CNOT7: variants seen among roughly 807,000 people sequenced by gnomAD.
CNOT7 encodes the protein CCR4-NOT transcription complex subunit 7.
Under a neutral mutation model 37.1 loss-of-function variants are expected in CNOT7, and 4 were observed. The observed-to-expected ratio is 0.11, with a 90% CI of 0.05 to 0.25. CNOT7 has a LOEUF of 0.25. Ranked by LOEUF, CNOT7 falls within the 10% of genes least tolerant of loss-of-function variation. The pLI, the probability that CNOT7 is intolerant of heterozygous loss-of-function variation, is 1.00. For synonymous variants in CNOT7, 128 were observed against 115.6 expected (o/e 1.11, Z -0.69); for missense variants, 170 against 336.2 (o/e 0.51, Z 3.87).
At chr8:17,245,319 G>A (rs1341337374) in intron 1 of CNOT7, 72 bp from the exon 2 acceptor site, 2 of 641,660 alleles carry the variant, frequency 3.1e-6, no homozygotes, top group Non-Finnish European at 2.3e-6. Context: ...GATCCAGCAG[G>A]AACCTAAGAA....
Position 17,234,700 on chromosome 8 carries a change from C to G in CNOT7, c.618+16G>C, listed in dbSNP as rs527299604. The G allele has an allele frequency of 1.9e-6, 3 of 1,613,356 alleles. No individual in the cohort carries two copies. The Admixed American group carries it at 5.0e-5, about 27-fold the overall frequency. ...GAACAGTGTGCTGCTGTAGATAATG[C>G]CATCCGAAGCCTTACTTTGAGATTT... On this transcript the variant is annotated intron_variant, in intron 5 of 6. Coordinates refer to ENST00000361272, the MANE Select transcript of CNOT7 (RefSeq NM_013354.7).
chr8:17,230,080 A>C lies in CNOT7; in HGVS notation c.*640T>G, dbSNP rs961124242. 6.6e-6 allele frequency: 1 copy of C among 152,416 alleles called. No individual in the cohort carries two copies. 9.4% of individuals were successfully genotyped at this position (152,416 alleles called of 1,614,324 possible). A position where few individuals can be genotyped will look rare whatever the true frequency, so the allele number is the denominator to read the frequency against. On this transcript the variant is annotated 3_prime_UTR_variant, in exon 7 of 7. Coordinates refer to ENST00000361272, the MANE Select transcript of CNOT7 (RefSeq NM_013354.7). ...GACACTAGATGTGCTTGGAAGATTA[A>C]ACACTACGTACAGAAACAGCAGTTA... is the stretch of plus-strand genomic sequence containing the variant.
chr8:17,226,278 G>A lies in CNOT7; in HGVS notation c.*4442C>T, dbSNP rs1215946838. On this transcript the variant is annotated 3_prime_UTR_variant, in exon 7 of 7. Transcript: ENST00000361272. ...GGGAGGTAACATTTTGCTCAATTTG[G>A]GCTGAAAGTTGGTATCCCCTCATTG... 1 of 150,850 alleles carries A rather than the reference G, an allele frequency of 6.6e-6. No homozygotes were observed. The highest frequency in any genetic ancestry group is 2.1e-4 in the South Asian group (1 of 4,770). 9.3% of individuals were successfully genotyped at this position (150,850 alleles called of 1,614,324 possible). A position where few individuals can be genotyped will look rare whatever the true frequency, so the allele number is the denominator to read the frequency against.
rs1473663776 is a variant in CNOT7 at position 17,230,482 on chromosome 8, CGCTT to C, written c.*234_*237del. ...AGCTTTCCCCACTCTCTGTCACACACGCTTGCTAACAAGTATATTAAATTAAGGC... is the reference window on the plus strand; with the variant it reads ...AGCTTTCCCCACTCTCTGTCACACACGCTAACAAGTATATTAAATTAAGGC... On this transcript the variant is annotated 3_prime_UTR_variant, in exon 7 of 7. Coordinates refer to ENST00000361272, the MANE Select transcript of CNOT7 (RefSeq NM_013354.7). 3.6e-6 allele frequency: 1 copy of C among 278,148 alleles called. No individual in the cohort carries two copies. The highest frequency in any genetic ancestry group is 6.0e-5 in the East Asian group (1 of 16,530). The allele number at this position is 278,148 out of a possible 1,614,324, so 17.2% of individuals were successfully genotyped here.
chr8:17,225,511 T>C lies in CNOT7; in HGVS notation c.*5209A>G, dbSNP rs1243755862. 1.3e-5 allele frequency: 2 copies of C among 151,756 alleles called. No homozygotes were observed. The highest frequency in any genetic ancestry group is 1.9e-4 in the East Asian group (1 of 5,196). The allele number at this position is 151,756 out of a possible 1,614,324, so 9.4% of individuals were successfully genotyped here. Reference sequence around the variant, plus strand: ...GGACTTCTAAAGAGAAATTGCTCAATTGCTTTTATACTAAACGTTAAATGT... The same window carrying C: ...GGACTTCTAAAGAGAAATTGCTCAACTGCTTTTATACTAAACGTTAAATGT... On this transcript the variant is annotated 3_prime_UTR_variant, in exon 7 of 7. Transcript: ENST00000361272.
chr8:17,234,564 G>GC (rs1211434263), intron 5 of CNOT7, 152 bp downstream of exon 5: 1 of 793,124 alleles, frequency 1.3e-6, no homozygotes, highest in East Asian at 2.7e-5. Flanking sequence ...AATTATGTAT[G>GC]CAAGAAAAAA....
chr8:17,239,879 A>G (rs772614146), intron 3 of CNOT7, among the ~76,000 whole-genome samples: 2 of 152,230 alleles, frequency 1.3e-5, no homozygotes, highest in Non-Finnish European at 2.9e-5. Context: ...TTCACAGCTC[A>G]TCAGTACTCC....
chr8:17,242,428 T>C (rs1484213303), intron 3 of CNOT7: 1 of 152,224 alleles, frequency 6.6e-6, no homozygotes, highest in Admixed American at 6.5e-5. Context: ...GGGCTTGAGT[T>C]AGAATGAAGA....
Position 17,245,071 on chromosome 8 carries a change from G to A in CNOT7, c.82C>T (p.Arg28Cys). 1.9e-6 allele frequency: 3 copies of A among 1,613,530 alleles called. No individual in the cohort carries two copies. Among genetic ancestry groups the A allele is most frequent in the African/African-American group, 2.7e-5 (2 of 74,994 alleles). Residue 28 changes from arginine to cysteine, a missense_variant, in exon 2 of 7, where the codon CGT (arginine) becomes TGT (cysteine). Transcript: ENST00000361272. ...TAATTATATTTTCGGATAACTTGAC[G>A]AATTTTCTTCATCTCTTCATCCAAG... ...CNLDEEMKKI[R>C]QVIRKYNYVA...
intron 3 of CNOT7, among the ~76,000 whole-genome samples, chr8:17,241,074 C>A (rs376498236): frequency 2.0e-5 from 3 of 152,222 alleles, no homozygotes; most frequent in East Asian, 3.9e-4. Context: ...TGTATAGATA[C>A]AGGTATTTTT....
Position 17,228,799 on chromosome 8 carries a change from C to G in CNOT7, c.*1921G>C, listed in dbSNP as rs547761939. The G allele has an allele frequency of 2.6e-5, 4 of 152,032 alleles. No individual in the cohort carries two copies. The highest frequency in any genetic ancestry group is 9.6e-5 in the African/African-American group (4 of 41,534). 9.4% of individuals were successfully genotyped at this position (152,032 alleles called of 1,614,324 possible). On this transcript the variant is annotated 3_prime_UTR_variant, in exon 7 of 7. Coordinates refer to ENST00000361272, the MANE Select transcript of CNOT7 (RefSeq NM_013354.7). ...TATTTGAAATCCAGCATTGATTTCT[C>G]AAATAGTTGAACAGAATTTAAATAT...
rs1024344933 is a variant in CNOT7, at chr8:17,227,162, C to A, written c.*3558G>T. 6.6e-6 allele frequency: 1 copy of A among 151,868 alleles called. No homozygotes were observed. Among genetic ancestry groups the A allele is most frequent in the Admixed American group, 6.6e-5 (1 of 15,222 alleles). 9.4% of individuals were successfully genotyped at this position (151,868 alleles called of 1,614,324 possible). A position where few individuals can be genotyped will look rare whatever the true frequency, so the allele number is the denominator to read the frequency against. On this transcript the variant is annotated 3_prime_UTR_variant, in exon 7 of 7. Transcript: ENST00000361272. The stretch of plus-strand genomic sequence containing the variant: ...GTAACTACAGGCTTTAAACAACTTA[C>A]GTTTTCACAAGCCTTAAAATTTGAC...
rs1808135589 is a variant in CNOT7 at position 17,226,049 on chromosome 8, T to TTTTTTTTTTTTTTTTTTTTTTC, written c.*4670_*4671insGAAAAAAAAAAAAAAAAAAAAA. ...CAAGCCTTTTTTTTTTTTTTTTTTT[T>TTTTTTTTTTTTTTTTTTTTTTC]TTTTTTGAAAAGGGCAGGTAGCAAA... On this transcript the variant is annotated 3_prime_UTR_variant, in exon 7 of 7. Coordinates refer to ENST00000361272, the MANE Select transcript of CNOT7 (RefSeq NM_013354.7). 6.9e-6 allele frequency: 1 copy of TTTTTTTTTTTTTTTTTTTTTTC among 144,826 alleles called. No homozygotes were observed. Among genetic ancestry groups the TTTTTTTTTTTTTTTTTTTTTTC allele is most frequent in the Non-Finnish European group, 1.5e-5 (1 of 65,748 alleles). The allele number at this position is 144,826 out of a possible 1,614,324, so 9.0% of individuals were successfully genotyped here.
intron 2 of CNOT7, among the ~76,000 whole-genome samples, chr8:17,244,141 T>C (rs1810564559): frequency 6.6e-6 from 1 of 152,180 alleles, no homozygotes; most frequent in Non-Finnish European, 1.5e-5. Context: ...AAACACTTGG[T>C]TTATGGAGCT....
At chr8:17,236,382 G>A (rs1809362597) in intron 4 of CNOT7, among the ~76,000 whole-genome samples, 1 of 152,162 alleles carries the variant, frequency 6.6e-6, no homozygotes, top group Admixed American at 6.5e-5. Context: ...TCCCTGGAAC[G>A]TCAGTTTAGT....
rs1222708662 is a variant in CNOT7 at position 17,227,450 on chromosome 8, C to G, written c.*3270G>C. ...AATCCTCATTCTTCAAACTACTGTT[C>G]TCATCAAAGGGCTGATGTCTTAATT... On this transcript the variant is annotated 3_prime_UTR_variant, in exon 7 of 7. Coordinates refer to ENST00000361272, the MANE Select transcript of CNOT7 (RefSeq NM_013354.7). The G allele has an allele frequency of 6.6e-6, 1 of 151,844 alleles. No homozygotes were observed. Among genetic ancestry groups the G allele is most frequent in the Non-Finnish European group, 1.5e-5 (1 of 67,804 alleles). The allele number at this position is 151,844 out of a possible 1,614,324, so 9.4% of individuals were successfully genotyped here.
intron 3 of CNOT7, among the ~76,000 whole-genome samples, chr8:17,239,007 C>G (rs950032390): frequency 2.0e-5 from 3 of 152,154 alleles, no homozygotes; most frequent in South Asian, 2.1e-4. Context: ...CATGAACACA[C>G]AAATATGTCT....
At position 17,228,188 on chromosome 8, in the gene CNOT7, C is replaced by T. The variant is rs1808279919; in HGVS notation, c.*2532G>A. ...AGTTCATGGGCCACACAAAAACAGG[C>T]AGCAAGCTGATTCTGGCTACGGGCC... On this transcript the variant is annotated 3_prime_UTR_variant, in exon 7 of 7. Transcript: ENST00000361272. The T allele has an allele frequency of 6.6e-6, 1 of 151,838 alleles. No homozygotes were observed. The highest frequency in any genetic ancestry group is 1.5e-5 in the Non-Finnish European group (1 of 67,824). 9.4% of individuals were successfully genotyped at this position (151,838 alleles called of 1,614,324 possible).
At chr8:17,237,544 G>T (rs573241336) in intron 3 of CNOT7, 171 bp from the exon 4 acceptor site, 3 of 559,066 alleles carry the variant, frequency 5.4e-6, no homozygotes, top group East Asian at 5.6e-5. Context: ...AAATACAAAG[G>T]TCATTATTTC....
Sources: allele counts gnomAD v4.1 joint callset (sites outside exome capture counted in the v4.1 genomes callset), GRCh38; gene constraint gnomAD v4.1.1; transcripts MANE v1.5; gene names NCBI Gene and HGNC (gene_info 2026-07-23, HGNC 2026-07-21).